SOHLH2: variants seen among roughly 807,000 people sequenced by gnomAD.
SOHLH2 encodes spermatogenesis and oogenesis specific basic helix-loop-helix 2.
Under a neutral mutation model 50.4 loss-of-function variants are expected in SOHLH2, and 22 were observed. The observed-to-expected ratio is 0.44, with a 90% CI of 0.31 to 0.62. The LOEUF is 0.62. Among genes scored for constraint, SOHLH2 ranks in the 20% least tolerant of loss-of-function variants. The pLI, the probability that SOHLH2 is intolerant of heterozygous loss-of-function variation, is 0.08. For synonymous variants in SOHLH2, 185 were observed against 187.3 expected (o/e 0.99, Z 0.10); for missense variants, 412 against 504.4 (o/e 0.82, Z 1.76).
At chr13:36,200,330 G>C (rs145539930) in intron 2 of SOHLH2, among the ~76,000 whole-genome samples, 1 of 152,328 alleles carries the variant, frequency 6.6e-6, no homozygotes, top group Non-Finnish European at 1.5e-5. Context: ...GAGGTAGATA[G>C]TTTGCCTGAT....
intron 4 of SOHLH2, 65 bp from the exon 5 acceptor site, chr13:36,191,959 C>A: frequency 6.4e-7 from 1 of 1,552,536 alleles, no homozygotes; most frequent in Middle Eastern, 1.7e-4. Flanking sequence ...GCTAATCAAA[C>A]ACACAAGCCC....
At position 36,170,715 on chromosome 13, in the gene SOHLH2, G is replaced by C. The variant is rs771998623; in HGVS notation, c.1073C>G (p.Ser358Cys). 3.7e-6 allele frequency: 6 copies of C among 1,614,192 alleles called. No homozygotes were observed. The highest frequency in any genetic ancestry group is 5.1e-6 in the Non-Finnish European group (6 of 1,180,034). Residue 358 changes from serine (S) to cysteine (C), a missense_variant, in exon 10 of 11, where the codon TCT becomes TGT. Transcript: ENST00000379881. ...TCTGACAGTATGCAAGGAATTCAGA[G>C]ACAGCGCTGCACTGGAAATGTGAGT... ...YKTHISSAAL[S>C]LNSLHTVRYY...
intron 7 of SOHLH2, 72 bp downstream of exon 7, chr13:36,174,650 T>C (rs1378342234): frequency 1.9e-6 from 3 of 1,597,852 alleles, no homozygotes. Flanking sequence ...TGATAAAAAA[T>C]TAAAAGAAGT....
chr13:36,210,558 T>C (rs936921506), intron 1 of SOHLH2, among the ~76,000 whole-genome samples: 37 of 152,124 alleles, frequency 2.4e-4, no homozygotes, highest in African/African-American at 8.2e-4. Context: ...ATACCTGCCT[T>C]CTTATTTTTC....
At chr13:36,206,329 T>G (rs999200323) in intron 1 of SOHLH2, among the ~76,000 whole-genome samples, 1 of 152,058 alleles carries the variant, frequency 6.6e-6, no homozygotes, top group African/African-American at 2.4e-5. Flanking sequence ...TGGCATTTTG[T>G]TGTACCCCAC....
In SOHLH2 at chr13:36,184,067, A is replaced by G. The variant is rs77825995; in HGVS notation, c.641+5879T>C. 3.3e-3 allele frequency among the ~76,000 whole-genome samples: 506 copies of G among 152,326 alleles called. 4 individuals carry two copies. The highest frequency in any genetic ancestry group is 0.011 in the African/African-American group (478 of 41,582). On this transcript the variant is annotated intron_variant, in intron 6 of 10. Transcript: ENST00000379881. Reference sequence around the variant, plus strand: ...CAAACAGAAGAATACAGTCTTTTCAAATGCATATAGAACATTCATCAAGGG... The same window carrying G: ...CAAACAGAAGAATACAGTCTTTTCAGATGCATATAGAACATTCATCAAGGG...
chr13:36,191,943 G>A, intron 4 of SOHLH2, 49 bp from the exon 5 acceptor site: 1 of 1,599,110 alleles, frequency 6.3e-7, no homozygotes. Flanking sequence ...CACTTAAGGA[G>A]ATGACGCTAA....
At chr13:36,194,928 G>T (rs1186568309) in intron 2 of SOHLH2, among the ~76,000 whole-genome samples, 1 of 151,976 alleles carries the variant, frequency 6.6e-6, no homozygotes, top group Non-Finnish European at 1.5e-5. Context: ...TTGGAAGTAA[G>T]TATACATTCT....
intron 1 of SOHLH2, among the ~76,000 whole-genome samples, chr13:36,207,184 G>C (rs963069590): frequency 6.6e-6 from 1 of 151,888 alleles, no homozygotes; most frequent in African/African-American, 2.4e-5. Flanking sequence ...ATTAACTAGT[G>C]TACATTAACT....
chr13:36,181,476 C>T (rs1271414303), intron 6 of SOHLH2, among the ~76,000 whole-genome samples: 1 of 152,042 alleles, frequency 6.6e-6, no homozygotes. Context: ...GGCTTCACAG[C>T]AATGCATTTT....
chr13:36,200,876 C>T (rs1887881253), intron 2 of SOHLH2, among the ~76,000 whole-genome samples: 1 of 151,498 alleles, frequency 6.6e-6, no homozygotes, highest in African/African-American at 2.4e-5. Flanking sequence ...TGGTAAAACC[C>T]CACCTCTACT....
At chr13:36,175,708 GA>G (rs954984284) in intron 6 of SOHLH2, among the ~76,000 whole-genome samples, 1 of 152,144 alleles carries the variant, frequency 6.6e-6, no homozygotes, top group African/African-American at 2.4e-5. Flanking sequence ...GAATGGCAGA[GA>G]AATTATATTT....
chr13:36,197,034 A>G (rs1887754773), intron 2 of SOHLH2, among the ~76,000 whole-genome samples: 1 of 152,222 alleles, frequency 6.6e-6, no homozygotes, highest in Non-Finnish European at 1.5e-5. Flanking sequence ...ATTCCTTGAA[A>G]CAAAACTAAG....
chr13:36,186,644 C>T (rs1887428266), intron 6 of SOHLH2, among the ~76,000 whole-genome samples: 1 of 151,988 alleles, frequency 6.6e-6, no homozygotes, highest in Non-Finnish European at 1.5e-5. Context: ...CATGGGTACA[C>T]AAAAATGTGA....
intron 4 of SOHLH2, 44 bp downstream of exon 4, chr13:36,193,577 G>T (rs754726974): frequency 3.2e-6 from 5 of 1,555,490 alleles, no homozygotes; most frequent in Non-Finnish European, 3.5e-6. Flanking sequence ...AGTTTTCAAA[G>T]ATTTTAATTC....
intron 2 of SOHLH2, 69 bp downstream of exon 2, chr13:36,201,810 G>T: frequency 6.3e-7 from 1 of 1,578,386 alleles, no homozygotes. Flanking sequence ...ATCTTTTTAG[G>T]AGTTTTTAAA....
At chr13:36,189,044 G>T (rs1887503726) in intron 6 of SOHLH2, among the ~76,000 whole-genome samples, 1 of 152,122 alleles carries the variant, frequency 6.6e-6, no homozygotes, top group African/African-American at 2.4e-5. Context: ...TCAGTGGATG[G>T]TGTCACCATC....
intron 6 of SOHLH2, among the ~76,000 whole-genome samples, chr13:36,189,586 CTCTG>C (rs1449941665): frequency 2.0e-5 from 3 of 152,192 alleles, no homozygotes; most frequent in African/African-American, 4.8e-5. Context: ...TGTCCCCTTA[CTCTG>C]TCTTAGAAAA....
chr13:36,172,637 T>C (rs1886993466), intron 9 of SOHLH2, among the ~76,000 whole-genome samples: 1 of 152,244 alleles, frequency 6.6e-6, no homozygotes, highest in Non-Finnish European at 1.5e-5. Context: ...TACCACTAAG[T>C]TGTGAGCTCC....
Sources: allele counts gnomAD v4.1 joint callset (sites outside exome capture counted in the v4.1 genomes callset), GRCh38; gene constraint gnomAD v4.1.1; transcripts MANE v1.5; gene names NCBI Gene and HGNC (gene_info 2026-07-23, HGNC 2026-07-21).